USP3: variants seen among roughly 807,000 people sequenced by gnomAD.
USP3 encodes the protein ubiquitin carboxyl-terminal hydrolase 3.
Under a neutral mutation model 72.3 loss-of-function variants are expected in USP3, and 20 were observed. The observed-to-expected ratio is 0.28, with a 90% confidence interval of 0.19 to 0.40. USP3 has a LOEUF of 0.40. USP3 is among the 10% of genes least tolerant of loss of function. USP3 has a pLI of 1.00. For synonymous variants in USP3, 222 were observed against 225.3 expected (o/e 0.99, Z 0.13); for missense variants, 479 against 633.9 (o/e 0.76, Z 2.62).
At position 63,570,556 on chromosome 15, in the gene USP3, G is replaced by C. The variant is rs553358114; in HGVS notation, c.885G>C (p.Leu295=). The change falls in exon 9 of 15, where the codon CTG becomes CTC. Residue 295 remains leucine (L), a synonymous_variant. Transcript: ENST00000380324. The surrounding 1 kb of genome is among the most constrained non-coding windows in gnomAD (Gnocchi z 4.4). The part of the protein sequence containing the change: ...RSAILQENST[L]SASNKCCING... Reference sequence around the variant, plus strand: ...CAATTCTGCAGGAGAATTCTACTCTGTCTGCAAGTAACAAGTGTTGCATGT... The same window carrying C: ...CAATTCTGCAGGAGAATTCTACTCTCTCTGCAAGTAACAAGTGTTGCATGT... 1.2e-6 allele frequency: 2 copies of C among 1,613,330 alleles called. No individual in the cohort carries two copies. Among genetic ancestry groups the C allele is most frequent in the East Asian group, 2.2e-5 (1 of 44,862 alleles).
intron 3 of USP3, among the ~76,000 whole-genome samples, chr15:63,549,792 C>A (rs1350396324): frequency 6.6e-6 from 1 of 152,086 alleles, no homozygotes; most frequent in East Asian, 1.9e-4. Flanking sequence ...AAATCTATTC[C>A]TGGTTTACTC....
intron 4 of USP3, among the ~76,000 whole-genome samples, chr15:63,555,273 G>C (rs1336623135): frequency 6.6e-6 from 1 of 151,670 alleles, no homozygotes; most frequent in Admixed American, 6.7e-5. Context: ...GGTTTAATCT[G>C]TAGTGGAATT....
chr15:63,515,101 A>G (rs924984283), intron 1 of USP3, among the ~76,000 whole-genome samples: 9 of 152,168 alleles, frequency 5.9e-5, no homozygotes, highest in Non-Finnish European at 1.2e-4. Context: ...CTGATTTAGT[A>G]ATCTCCTTTG....
chr15:63,534,138 G>A (rs975893993), intron 2 of USP3, among the ~76,000 whole-genome samples: 3 of 152,104 alleles, frequency 2.0e-5, no homozygotes, highest in African/African-American at 7.2e-5. Context: ...TTGCAAACAA[G>A]CTTAAATTTA....
At chr15:63,554,185 A>T (rs374077346) in intron 4 of USP3, among the ~76,000 whole-genome samples, 20 of 152,182 alleles carry the variant, frequency 1.3e-4, no homozygotes, top group East Asian at 7.7e-4. Flanking sequence ...GTCTACTAGG[A>T]AGCACTATGA....
chr15:63,548,760 C>T (rs2066393828), intron 3 of USP3, among the ~76,000 whole-genome samples: 1 of 152,016 alleles, frequency 6.6e-6, no homozygotes, highest in Non-Finnish European at 1.5e-5. Flanking sequence ...GTGGCATGAT[C>T]TCTGCTCACT....
rs2065682444 is a variant in USP3 at position 63,504,608 on chromosome 15, G to A, written c.-132G>A. ...GAAGCCCGTGCTTTCTTTGACGCAA[G>A]GGCTCGAGACGCAGCCGCCGTCGGC... is the stretch of plus-strand genomic sequence containing the variant. On this transcript the variant is annotated 5_prime_UTR_variant, in exon 1 of 15. Transcript: ENST00000380324. 3 of 678,394 alleles carry A rather than the reference G, an allele frequency of 4.4e-6. No individual in the cohort carries two copies. Among genetic ancestry groups the A allele is most frequent in the Non-Finnish European group, 4.5e-6 (2 of 440,452 alleles). 42.0% of individuals were successfully genotyped at this position (678,394 alleles called of 1,614,324 possible).
At chr15:63,548,940 A>G (rs1229952620) in intron 3 of USP3, among the ~76,000 whole-genome samples, 1 of 152,208 alleles carries the variant, frequency 6.6e-6, no homozygotes, top group Non-Finnish European at 1.5e-5. Flanking sequence ...AGCAGGTAGT[A>G]TCTTAGATTC....
chr15:63,553,050 AAC>A lies in USP3; in HGVS notation c.285-659_285-658del, dbSNP rs985781135. Among the ~76,000 whole-genome samples, 6 of 152,234 alleles carry A rather than the reference AAC, an allele frequency of 3.9e-5. No individual in the cohort carries two copies. Among genetic ancestry groups the A allele is most frequent in the African/African-American group, 1.2e-4 (5 of 41,460 alleles). On this transcript the variant is annotated intron_variant, in intron 3 of 14. Transcript: ENST00000380324. The surrounding 1 kb of genome is among the most constrained non-coding windows in gnomAD (Gnocchi z 4.2). Reference sequence around the variant, plus strand: ...ACATTATTTGCTTTTTGACTTATAAAACACACAGAGTATCGGTTTTTAAATAT... The same window carrying A: ...ACATTATTTGCTTTTTGACTTATAAAACACAGAGTATCGGTTTTTAAATAT...
chr15:63,513,629 C>T (rs2065817393), intron 1 of USP3, among the ~76,000 whole-genome samples: 1 of 152,164 alleles, frequency 6.6e-6, no homozygotes, highest in South Asian at 2.1e-4. Context: ...TCCACCTCAG[C>T]CTCCCAAAGT....
At chr15:63,509,368 G>A (rs773062001) in intron 1 of USP3, among the ~76,000 whole-genome samples, 1 of 152,108 alleles carries the variant, frequency 6.6e-6, no homozygotes, top group South Asian at 2.1e-4. Flanking sequence ...GAAAATAAAC[G>A]CAGAGTGAAC....
intron 6 of USP3, among the ~76,000 whole-genome samples, chr15:63,558,861 C>T (rs1413883647): frequency 1.3e-5 from 2 of 151,878 alleles, no homozygotes; most frequent in Admixed American, 6.6e-5. Flanking sequence ...GGTGACAAAG[C>T]GAGACCCTGT....
At chr15:63,505,610 A>C (rs2065702198) in intron 1 of USP3, among the ~76,000 whole-genome samples, 1 of 152,194 alleles carries the variant, frequency 6.6e-6, no homozygotes. Flanking sequence ...AGATTTATAT[A>C]AGGCTTTTGA....
chr15:63,541,524 T>A (rs933128451), intron 3 of USP3, among the ~76,000 whole-genome samples: 4 of 152,136 alleles, frequency 2.6e-5, no homozygotes, highest in Admixed American at 1.3e-4. Flanking sequence ...ATAGAGATAA[T>A]CTTAAAACAT....
intron 3 of USP3, among the ~76,000 whole-genome samples, chr15:63,545,680 T>G (rs917794822): frequency 6.6e-6 from 1 of 151,948 alleles, no homozygotes; most frequent in Non-Finnish European, 1.5e-5. Flanking sequence ...AAGTAGAGCT[T>G]ATCTTTAGGC....
intron 1 of USP3, among the ~76,000 whole-genome samples, chr15:63,507,365 T>A (rs573141039): frequency 6.6e-6 from 1 of 152,342 alleles, no homozygotes; most frequent in East Asian, 1.9e-4. Flanking sequence ...TCTATTTTCT[T>A]TGAGTATCAG....
At chr15:63,507,967 A>G (rs2152645589) in intron 1 of USP3, among the ~76,000 whole-genome samples, 1 of 152,336 alleles carries the variant, frequency 6.6e-6, no homozygotes, top group South Asian at 2.1e-4. Flanking sequence ...TAGTGGGAAG[A>G]ATGGCATTAT....
chr15:63,589,935 C>T (rs2067156668), intron 14 of USP3, among the ~76,000 whole-genome samples: 1 of 151,958 alleles, frequency 6.6e-6, no homozygotes, highest in Non-Finnish European at 1.5e-5. Context: ...TCGTAACAGC[C>T]TATTCTTGTT....
intron 7 of USP3, among the ~76,000 whole-genome samples, 156 bp downstream of exon 7, chr15:63,560,126 T>C (rs552710795): frequency 6.6e-6 from 1 of 152,146 alleles, no homozygotes; most frequent in South Asian, 2.1e-4. Flanking sequence ...TCTTAATAAT[T>C]GTTGGAATTC....
Sources: allele counts gnomAD v4.1 joint callset (sites outside exome capture counted in the v4.1 genomes callset), GRCh38; gene constraint gnomAD v4.1.1; non-coding constraint Gnocchi (gnomAD v3.1); transcripts MANE v1.5; gene names NCBI Gene and HGNC (gene_info 2026-07-23, HGNC 2026-07-21).